Variants in BCORL1 observed in about 807,000 individuals in gnomAD.
The protein encoded by BCORL1 is BCL-6 corepressor-like protein 1.
In BCORL1, 7 loss-of-function variants were observed where a neutral mutation model predicts 87.6. That is an observed-to-expected ratio of 0.08 (90% CI 0.05 to 0.15). BCORL1 has a LOEUF of 0.15. BCORL1 is among the 10% of genes least tolerant of loss of function. The pLI is 1.00. For missense variants in BCORL1, 1,215 were observed against 1,499.7 expected, an observed-to-expected ratio of 0.81 and a Z score of 3.13; for synonymous variants, 591 against 634.4, an observed-to-expected ratio of 0.93 and a Z score of 1.03.
chrX:130,044,987 T>C (rs1376853371), intron 11 of BCORL1, among the ~76,000 whole-genome samples: 1 of 112,412 alleles, frequency 8.9e-6, no homozygotes, highest in East Asian at 2.8e-4. Flanking sequence ...GTGGCACTCC[T>C]TTATTCATTC....
chrX:130,012,180 G>T (rs750652750), intron 2 of BCORL1, among the ~76,000 whole-genome samples: 1 of 112,147 alleles, frequency 8.9e-6, no homozygotes, highest in Admixed American at 9.5e-5. Context: ...AATGGGTTTT[G>T]CATGCCTTTT....
chrX:130,002,734 C>T (rs1017302345), intron 1 of BCORL1, among the ~76,000 whole-genome samples: 2 of 102,257 alleles, frequency 2.0e-5, no homozygotes, highest in Non-Finnish European at 4.0e-5. Flanking sequence ...AAGAGGTGAA[C>T]AGCTGGGAAA....
Position 130,025,268 on chromosome X carries a change from G to A in BCORL1, c.3967G>A (p.Glu1323Lys). 3 of 1,210,170 alleles carry A rather than the reference G, an allele frequency of 2.5e-6. No homozygotes were observed. The highest frequency in any genetic ancestry group is 3.4e-6 in the Non-Finnish European group (3 of 894,608). The part of the protein sequence containing the change: ...DTNEEEEEEE[E>K]EGLLKRKKRR... ...CAATGAGGAGGAGGAGGAAGAAGAG[G>A]AGGAGGGCCTGCTGAAGAGGAAGAA... The change falls in exon 7 of 14, where the codon GAG becomes AAG. Residue 1323 changes from glutamate to lysine, a missense_variant. This residue lies in a region of BCORL1 where 166 missense variants were observed against 196.5 expected (regional missense o/e 0.84). Transcript: ENST00000540052.
At position 130,014,680 on chromosome X, in the gene BCORL1, G is replaced by A. The variant is rs192966850; in HGVS notation, c.1908G>A (p.Pro636=). 375 of 1,208,892 alleles carry A rather than the reference G, an allele frequency of 3.1e-4. 3 individuals are homozygous for A. The East Asian group carries it at 0.011, about 35-fold the overall frequency. ...SKSNRQKLPL[P]NQRKTPPMPV... is the part of the protein sequence containing the mutation. ...CCAACCGCCAGAAGCTTCCATTGCC[G>A]AACCAGCGCAAGACACCCCCCATGC... Residue 636 remains proline (P), a synonymous_variant, in exon 4 of 14, where the codon CCG becomes CCA. Transcript: ENST00000540052.
intron 9 of BCORL1, 32 bp downstream of exon 9, chrX:130,034,708 C>T (rs898515333): frequency 1.1e-5 from 10 of 936,381 alleles, no homozygotes; most frequent in African/African-American, 4.1e-5. Context: ...CACAGGGCGC[C>T]GTTGGTCTGA....
At chrX:130,032,754 T>TA (rs963952708) in intron 8 of BCORL1, among the ~76,000 whole-genome samples, 13 of 107,758 alleles carry the variant, frequency 1.2e-4, no homozygotes, top group Non-Finnish European at 2.3e-4. Context: ...TTTATTTATT[T>TA]ATTTATTTAT....
chrX:130,001,081 TTTTTTC>T (rs1290861391), intron 1 of BCORL1, among the ~76,000 whole-genome samples: 1 of 111,630 alleles, frequency 9.0e-6, no homozygotes, highest in Middle Eastern at 4.2e-3. Flanking sequence ...AGGATGCTTT[TTTTTTC>T]TTTTTCTTTT....
chrX:130,057,640 TAAAAAAAAAAGGA>T lies in BCORL1; in HGVS notation c.*1516_*1528del, dbSNP rs1374179786. ...AAAAGAAAATGGAAAAAAAAAAGAT[TAAAAAAAAAAGGA>T]AAAAAAAAAAGCCAGTTTGAGGATG... On this transcript the variant is annotated 3_prime_UTR_variant, in exon 14 of 14. Transcript: ENST00000540052. 4.1e-5 allele frequency: 4 copies of T among 98,594 alleles called. No individual in the cohort carries two copies. Among genetic ancestry groups the T allele is most frequent in the East Asian group, 3.1e-4 (1 of 3,190 alleles). The allele number at this position is 98,594 out of a possible 1,213,427, so 8.1% of individuals were successfully genotyped here.
In BCORL1 at chrX:130,051,992, A is replaced by C. The variant is rs138499651; in HGVS notation, c.5051A>C (p.Asn1684Thr). The change falls in exon 13 of 14, where the codon AAC becomes ACC. Residue 1684 changes from asparagine (N) to threonine (T), a missense_variant. Transcript: ENST00000540052. ...LSDKPLLPCY[N>T]LQVSVSRGPC... is the part of the protein sequence containing the mutation. ...GACAAGCCTCTTCTCCCTTGCTACAACCTCCAAGTGTCAGTGTCCCGCGGG... is the reference window on the plus strand; with the variant it reads ...GACAAGCCTCTTCTCCCTTGCTACACCCTCCAAGTGTCAGTGTCCCGCGGG... The C allele has an allele frequency of 5.8e-6, 7 of 1,199,044 alleles. No individual in the cohort carries two copies. The highest frequency in any genetic ancestry group is 2.2e-5 in the Admixed American group (1 of 44,456).
At chrX:130,039,401 C>A in intron 11 of BCORL1, 119 bp downstream of exon 11, 1 of 882,082 alleles carries the variant, frequency 1.1e-6, no homozygotes, top group Non-Finnish European at 1.6e-6. Context: ...GGCCATCTGC[C>A]CTCTTCACCT....
chrX:130,020,939 T>C (rs1817294291), intron 4 of BCORL1, 46 bp from the exon 5 acceptor site: 1 of 1,115,707 alleles, frequency 9.0e-7, no homozygotes, highest in African/African-American at 1.9e-5. Flanking sequence ...AGAGCTTTCT[T>C]AAGAAGCAAA....
At chrX:129,989,444 CT>C (rs55654985) in intron 1 of BCORL1, among the ~76,000 whole-genome samples, 25 of 17,776 alleles carry the variant, frequency 1.4e-3, no homozygotes, top group African/African-American at 2.6e-3. Context: ...CCGCACCCGT[CT>C]TTTTTTTTTT....
intron 8 of BCORL1, among the ~76,000 whole-genome samples, chrX:130,031,500 G>A (rs1930598390): frequency 8.9e-6 from 1 of 112,287 alleles, no homozygotes; most frequent in Admixed American, 9.5e-5. Flanking sequence ...TTGTAATAAT[G>A]TGGCCAGGCG....
intron 7 of BCORL1, among the ~76,000 whole-genome samples, chrX:130,027,754 T>G (rs1314993497): frequency 8.9e-6 from 1 of 112,243 alleles, no homozygotes; most frequent in East Asian, 2.8e-4. Flanking sequence ...TTCTCCCCAT[T>G]TTACAGATAT....
intron 1 of BCORL1, among the ~76,000 whole-genome samples, chrX:130,000,194 C>T (rs187377160): frequency 0.016 from 1,781 of 109,846 alleles, 16 homozygotes; most frequent in Non-Finnish European, 0.027. Flanking sequence ...TACAGGCACC[C>T]GCCACCATGC....
At chrX:130,035,220 G>A (rs57623360) in intron 9 of BCORL1, among the ~76,000 whole-genome samples, 415 of 112,147 alleles carry the variant, frequency 3.7e-3, no homozygotes, top group African/African-American at 0.012. Context: ...ACAGTAAGCC[G>A]ATGGAGTAGA....
chrX:130,020,242 A>G (rs973335348), intron 4 of BCORL1, among the ~76,000 whole-genome samples: 3 of 111,628 alleles, frequency 2.7e-5, no homozygotes, highest in African/African-American at 9.8e-5. Flanking sequence ...AAGTCATTCA[A>G]CCCTTTGTCT....
intron 11 of BCORL1, among the ~76,000 whole-genome samples, chrX:130,040,728 C>T (rs763279511): frequency 8.9e-6 from 1 of 112,396 alleles, no homozygotes; most frequent in Non-Finnish European, 1.9e-5. Context: ...GGGCTTGGGG[C>T]AAGCCACCGT....
chrX:129,989,129 A>G (rs773598512), intron 1 of BCORL1, among the ~76,000 whole-genome samples: 14 of 109,875 alleles, frequency 1.3e-4, no homozygotes, highest in Non-Finnish European at 2.7e-4. Flanking sequence ...GAGGCAAGTC[A>G]CTTAACTTAC....
Sources: gnomAD v4.1 joint callset for allele counts (sites outside exome capture counted in the v4.1 genomes callset) on GRCh38, gnomAD v4.1.1 for gene constraint, gnomAD v4.1.1 regional missense constraint, MANE v1.5 for transcripts, NCBI Gene and HGNC (gene_info 2026-07-23, HGNC 2026-07-21) for gene names.